Variants in NRXN3 observed in about 807,000 individuals in gnomAD.
The protein encoded by NRXN3 is neurexin III.
A neutral mutation model predicts 137.6 loss-of-function variants in NRXN3; 32 were observed. The observed-to-expected ratio is 0.23, with a 90% CI of 0.18 to 0.31. The LOEUF is 0.31. Among genes scored for constraint, NRXN3 ranks in the 10% least tolerant of loss-of-function variants. The pLI, the probability that NRXN3 is intolerant of heterozygous loss-of-function variation, is 1.00. For missense variants in NRXN3, 1,574 were observed against 2,062.5 expected (o/e 0.76, Z 4.59); for synonymous variants, 798 against 784.5 (o/e 1.02, Z -0.29).
chr14:79,173,126 A>C (rs1420113358), intron 15 of NRXN3, among the ~76,000 whole-genome samples: 1 of 152,216 alleles, frequency 6.6e-6, no homozygotes, highest in Admixed American at 6.5e-5. Context: ...TATTGGAAGA[A>C]AATTTGGACT....
At chr14:78,964,930 C>T (rs141178421) in intron 11 of NRXN3, among the ~76,000 whole-genome samples, 64 of 151,972 alleles carry the variant, frequency 4.2e-4, no homozygotes, top group East Asian at 1.4e-3. Flanking sequence ...CCAACTCAAA[C>T]GCTTTAAGCA....
intron 10 of NRXN3, among the ~76,000 whole-genome samples, chr14:78,852,958 C>A (rs1472494231): frequency 6.6e-6 from 1 of 151,616 alleles, no homozygotes; most frequent in Non-Finnish European, 1.5e-5. Context: ...CTGTGCCTGG[C>A]TTATTTCACT....
intron 10 of NRXN3, among the ~76,000 whole-genome samples, chr14:78,935,603 G>A (rs905873318): frequency 5.9e-5 from 9 of 152,176 alleles, no homozygotes; most frequent in Admixed American, 2.0e-4. Flanking sequence ...AAAGTTCTGC[G>A]TGTGTTTAGT....
intron 1 of NRXN3, among the ~76,000 whole-genome samples, chr14:78,203,116 A>G (rs1299770932): frequency 1.3e-5 from 2 of 152,008 alleles, no homozygotes. Flanking sequence ...TTCCTCTTAC[A>G]CTTATGTCCA....
chr14:78,968,383 G>T, intron 14 of NRXN3, 37 bp downstream of exon 14: 2 of 1,598,164 alleles, frequency 1.3e-6, no homozygotes, highest in African/African-American at 1.3e-5. Context: ...CTACAGCCTT[G>T]TTGCAAGCAC....
At chr14:79,140,014 A>G (rs1376464508) in intron 15 of NRXN3, among the ~76,000 whole-genome samples, 2 of 151,446 alleles carry the variant, frequency 1.3e-5, no homozygotes, top group South Asian at 2.1e-4. Flanking sequence ...AACACAGGAA[A>G]TGATATGAAA....
intron 4 of NRXN3, among the ~76,000 whole-genome samples, chr14:78,299,899 A>C (rs1462196234): frequency 6.6e-6 from 1 of 152,210 alleles, no homozygotes; most frequent in Non-Finnish European, 1.5e-5. Context: ...TCTTCTGGGT[A>C]ACTGGTGCTA....
chr14:79,069,972 A>T (rs2099685524), intron 15 of NRXN3, among the ~76,000 whole-genome samples: 1 of 152,178 alleles, frequency 6.6e-6, no homozygotes, highest in South Asian at 2.1e-4. Flanking sequence ...GCAGGATATG[A>T]CAGTCAACAT....
At chr14:78,499,502 AT>A (rs2153771221) in intron 4 of NRXN3, among the ~76,000 whole-genome samples, 1 of 152,332 alleles carries the variant, frequency 6.6e-6, no homozygotes, top group East Asian at 1.9e-4. Flanking sequence ...TAAAATTATA[AT>A]GCTTTATTAG....
At chr14:79,607,459 G>A (rs896534471) in intron 16 of NRXN3, among the ~76,000 whole-genome samples, 2 of 152,158 alleles carry the variant, frequency 1.3e-5, no homozygotes, top group Non-Finnish European at 2.9e-5. Context: ...TGGCAAAAGC[G>A]TAACATAAGA....
chr14:79,628,412 C>A (rs150629767), intron 16 of NRXN3, among the ~76,000 whole-genome samples: 1 of 152,254 alleles, frequency 6.6e-6, no homozygotes, highest in African/African-American at 2.4e-5. Context: ...TGTTGATCTT[C>A]GAAGGACCTG....
intron 15 of NRXN3, among the ~76,000 whole-genome samples, chr14:79,139,720 A>G (rs1475085966): frequency 6.6e-6 from 1 of 151,930 alleles, no homozygotes; most frequent in African/African-American, 2.4e-5. Flanking sequence ...ATTTCCAGTA[A>G]TGCATACCAA....
At chr14:79,238,218 T>G (rs965855954) in intron 15 of NRXN3, among the ~76,000 whole-genome samples, 3 of 152,182 alleles carry the variant, frequency 2.0e-5, no homozygotes, top group African/African-American at 7.2e-5. Context: ...ACAAAAGGAC[T>G]CACTTTTTTA....
intron 15 of NRXN3, among the ~76,000 whole-genome samples, chr14:79,225,429 C>T (rs1023959413): frequency 7.9e-5 from 12 of 152,126 alleles, no homozygotes; most frequent in Non-Finnish European, 7.4e-5. Context: ...CTCCGTCTTT[C>T]TCGATATAAT....
intron 19 of NRXN3, among the ~76,000 whole-genome samples, chr14:79,763,058 C>T (rs1036206769): frequency 2.0e-5 from 3 of 150,916 alleles, no homozygotes; most frequent in Admixed American, 2.0e-4. Context: ...GTGATGTTCC[C>T]CCCTCCCTGT....
chr14:79,554,700 C>T (rs1011639203), intron 16 of NRXN3, among the ~76,000 whole-genome samples: 1 of 152,098 alleles, frequency 6.6e-6, no homozygotes, highest in African/African-American at 2.4e-5. Context: ...GATACTCAGC[C>T]CCCAACATGA....
intron 4 of NRXN3, among the ~76,000 whole-genome samples, chr14:78,430,827 C>T (rs905421178): frequency 6.6e-6 from 1 of 152,298 alleles, no homozygotes; most frequent in East Asian, 1.9e-4. Context: ...TCACTTGGTA[C>T]TGACCTTGTA....
chr14:78,816,356 A>G (rs1353040675), intron 10 of NRXN3, among the ~76,000 whole-genome samples: 2 of 152,082 alleles, frequency 1.3e-5, no homozygotes, highest in Non-Finnish European at 2.9e-5. Flanking sequence ...TACAACATAT[A>G]ATTATATCCA....
intron 16 of NRXN3, among the ~76,000 whole-genome samples, chr14:79,499,957 G>A (rs74070243): frequency 0.028 from 32 of 1,132 alleles, no homozygotes; most frequent in East Asian, 0.16. Flanking sequence ...TCTTAGGGTC[G>A]TGTGTGTGTG....
Sources: gnomAD v4.1 joint callset for allele counts (sites outside exome capture counted in the v4.1 genomes callset) on GRCh38, gnomAD v4.1.1 for gene constraint, MANE v1.5 for transcripts, NCBI Gene and HGNC (gene_info 2026-07-23, HGNC 2026-07-21) for gene names.